The following UNC5C variants were observed in gnomAD, a reference collection of about 807,000 sequenced individuals.
The protein encoded by UNC5C is unc-5 netrin receptor C.
In UNC5C, 47 loss-of-function variants were observed where a neutral mutation model predicts 99.8. The observed-to-expected ratio is 0.47, with a 90% CI of 0.37 to 0.60. The LOEUF (loss-of-function observed/expected upper bound fraction) is 0.60. UNC5C is among the 20% of genes least tolerant of loss of function. The pLI is 0.00. For missense variants in UNC5C, 1,062 were observed against 1,165.9 expected, an observed-to-expected ratio of 0.91 and a Z score of 1.30; for synonymous variants, 487 against 452.2, an observed-to-expected ratio of 1.08 and a Z score of -0.98.
At chr4:95,295,808 G>A (rs1192101184) in intron 3 of UNC5C, among the ~76,000 whole-genome samples, 1 of 152,210 alleles carries the variant, frequency 6.6e-6, no homozygotes, top group African/African-American at 2.4e-5. Context: ...TAAGTGGCTG[G>A]GCACAGTGGC....
intron 12 of UNC5C, among the ~76,000 whole-genome samples, chr4:95,195,589 G>C (rs1186568584): frequency 2.6e-5 from 4 of 152,130 alleles, no homozygotes; most frequent in African/African-American, 9.7e-5. Context: ...TAAGGTCACA[G>C]CTTGCCGAGG....
intron 3 of UNC5C, among the ~76,000 whole-genome samples, chr4:95,300,753 C>T (rs1422452432): frequency 6.6e-6 from 1 of 151,952 alleles, no homozygotes; most frequent in African/African-American, 2.4e-5. Flanking sequence ...AAAAATTGAA[C>T]TCACAGACAT....
intron 7 of UNC5C, among the ~76,000 whole-genome samples, chr4:95,221,624 T>C (rs1738470551): frequency 6.6e-6 from 1 of 152,234 alleles, no homozygotes; most frequent in Non-Finnish European, 1.5e-5. Flanking sequence ...AAAAATAATT[T>C]TCTTCCCAAC....
intron 1 of UNC5C, among the ~76,000 whole-genome samples, chr4:95,521,216 TCTTTTTTC>T (rs1212965672): frequency 1.3e-4 from 6 of 47,890 alleles, no homozygotes; most frequent in Admixed American, 2.7e-4. Context: ...TTTTCTTTTT[TCTTTTTTC>T]TTTTTTTTTT....
In UNC5C at chr4:95,520,784, T is replaced by G. The variant is rs182299980; in HGVS notation, c.124+27950A>C. Among the ~76,000 whole-genome samples, 129 of 152,004 alleles carry G rather than the reference T, an allele frequency of 8.5e-4. 1 individual carries two copies. Among genetic ancestry groups the G allele is most frequent in the Non-Finnish European group, 1.5e-3 (100 of 67,964 alleles). On this transcript the variant is annotated intron_variant, in intron 1 of 15. Coordinates refer to ENST00000453304, the MANE Select transcript of UNC5C (RefSeq NM_003728.4). ...CAGCTAATTTTTTGTATTTTTTTAG[T>G]AGAGACGGGGTTTCACTGCATTAGC...
chr4:95,524,362 C>A (rs1324564872), intron 1 of UNC5C, among the ~76,000 whole-genome samples: 1 of 152,144 alleles, frequency 6.6e-6, no homozygotes, highest in African/African-American at 2.4e-5. Context: ...TGATGCCTTG[C>A]ATGTTTTATG....
intron 1 of UNC5C, among the ~76,000 whole-genome samples, chr4:95,341,404 T>C (rs1353866747): frequency 6.7e-6 from 1 of 149,388 alleles, no homozygotes; most frequent in African/African-American, 2.5e-5. Flanking sequence ...GGCAAGCAAA[T>C]AAAACAAGTT....
rs543659583 is a variant in UNC5C at position 95,308,274 on chromosome 4, A to G, written c.347-6525T>C. On this transcript the variant is annotated intron_variant, in intron 2 of 15. Transcript: ENST00000453304. ...TACAGTTGCAGGACACAAAATCAAC[A>G]TATAAATATCAGTAATGATTCTATA... 3.3e-5 allele frequency among the ~76,000 whole-genome samples: 5 copies of G among 152,318 alleles called. No individual in the cohort carries two copies. The East Asian group carries it at 9.6e-4, about 29-fold the overall frequency.
intron 12 of UNC5C, among the ~76,000 whole-genome samples, chr4:95,190,221 T>C (rs1737016299): frequency 6.6e-6 from 1 of 152,060 alleles, no homozygotes. Context: ...ACCATCATTC[T>C]CAGTAAACTA....
chr4:95,267,094 T>C (rs1740476994), intron 4 of UNC5C, among the ~76,000 whole-genome samples: 1 of 152,200 alleles, frequency 6.6e-6, no homozygotes, highest in East Asian at 1.9e-4. Flanking sequence ...TTTCTCATGG[T>C]TTGCTATCAA....
At chr4:95,244,365 G>A (rs1490271084) in intron 6 of UNC5C, among the ~76,000 whole-genome samples, 1 of 152,144 alleles carries the variant, frequency 6.6e-6, no homozygotes, top group Non-Finnish European at 1.5e-5. Context: ...ATGCTAAGAG[G>A]TGGAGAGATG....
rs369970412 is a variant in UNC5C at position 95,288,382 on chromosome 4, A to C, written c.491-10020T>G. On this transcript the variant is annotated intron_variant, in intron 3 of 15. Coordinates refer to ENST00000453304, the MANE Select transcript of UNC5C (RefSeq NM_003728.4). ...ACAGGCGTGAGCCACCGTGCCCAGC[A>C]CTTTACAGATTATATAACTAGAACT... 2.4e-4 allele frequency among the ~76,000 whole-genome samples: 36 copies of C among 152,136 alleles called. No homozygotes were observed. The East Asian group carries it at 6.0e-3, about 25-fold the overall frequency.
chr4:95,486,464 G>A (rs767560516), intron 1 of UNC5C, among the ~76,000 whole-genome samples: 7 of 151,392 alleles, frequency 4.6e-5, no homozygotes, highest in Non-Finnish European at 8.9e-5. Flanking sequence ...ACATAGTTCA[G>A]GTTCTCATTA....
At chr4:95,316,081 T>C (rs555379021) in intron 2 of UNC5C, among the ~76,000 whole-genome samples, 1 of 152,298 alleles carries the variant, frequency 6.6e-6, no homozygotes, top group African/African-American at 2.4e-5. Flanking sequence ...AGATAAATAA[T>C]GAACTGCTGT....
At chr4:95,483,395 G>A (rs1190400643) in intron 1 of UNC5C, among the ~76,000 whole-genome samples, 5 of 151,794 alleles carry the variant, frequency 3.3e-5, no homozygotes, top group African/African-American at 1.2e-4. Flanking sequence ...TAATAGAAAT[G>A]TGTACATATA....
chr4:95,262,403 G>A (rs1482004134), intron 4 of UNC5C, among the ~76,000 whole-genome samples: 1 of 152,108 alleles, frequency 6.6e-6, no homozygotes, highest in African/African-American at 2.4e-5. Context: ...TGTATGAGAA[G>A]GTTCTCAGTA....
chr4:95,367,030 A>C (rs1051676328), intron 1 of UNC5C, among the ~76,000 whole-genome samples: 5 of 152,126 alleles, frequency 3.3e-5, no homozygotes, highest in African/African-American at 1.2e-4. Flanking sequence ...GTATCATTTC[A>C]TCTTCACTAA....
At chr4:95,189,318 G>T (rs1736969719) in intron 12 of UNC5C, among the ~76,000 whole-genome samples, 1 of 152,110 alleles carries the variant, frequency 6.6e-6, no homozygotes, top group Non-Finnish European at 1.5e-5. Context: ...CTTCTTTCTT[G>T]CTCTGTAGCA....
intron 1 of UNC5C, among the ~76,000 whole-genome samples, chr4:95,512,548 G>A (rs1447796249): frequency 1.3e-5 from 2 of 152,096 alleles, no homozygotes; most frequent in East Asian, 3.9e-4. Flanking sequence ...CAATCTTTGG[G>A]CATTCAAGTT....
Sources: allele counts gnomAD v4.1 joint callset (sites outside exome capture counted in the v4.1 genomes callset), GRCh38; gene constraint gnomAD v4.1.1; transcripts MANE v1.5; gene names NCBI Gene and HGNC (gene_info 2026-07-23, HGNC 2026-07-21).